GALNT2: variants seen among roughly 807,000 people sequenced by gnomAD.
GALNT2 encodes UDP-GalNAc:polypeptide N-acetylgalactosaminyltransferase 2.
Under a neutral mutation model 81.4 loss-of-function variants are expected in GALNT2, and 31 were observed. The ratio of observed to expected loss-of-function variants is 0.38; its 90% CI spans 0.29 to 0.51. The LOEUF is 0.51. GALNT2 is among the 20% of genes least tolerant of loss of function. The pLI, the probability that GALNT2 is intolerant of heterozygous loss-of-function variation, is 0.87. For synonymous variants in GALNT2, 303 were observed against 287.4 expected, an observed-to-expected ratio of 1.05 and a Z score of -0.55; for missense variants, 629 against 765.7, an observed-to-expected ratio of 0.82 and a Z score of 2.11.
intron 1 of GALNT2, among the ~76,000 whole-genome samples, chr1:230,074,820 A>G (rs1009022064): frequency 4.9e-4 from 74 of 152,226 alleles, no homozygotes; most frequent in Admixed American, 9.2e-4. Flanking sequence ...AAACTGAAGC[A>G]CAGAAAGGTT....
chr1:230,092,184 T>TGG (rs1553311876), intron 1 of GALNT2, among the ~76,000 whole-genome samples: 11 of 119,628 alleles, frequency 9.2e-5, no homozygotes, highest in African/African-American at 3.7e-4. Flanking sequence ...TAGTTTTTTT[T>TGG]TTTTTTTTTT....
chr1:230,076,146 T>C (rs2102748112), intron 1 of GALNT2, among the ~76,000 whole-genome samples: 1 of 152,346 alleles, frequency 6.6e-6, no homozygotes, highest in East Asian at 1.9e-4. Context: ...CTTCCCTTAC[T>C]ACAGACCTGC....
intron 1 of GALNT2, among the ~76,000 whole-genome samples, chr1:230,146,967 C>T (rs548840182): frequency 9.9e-5 from 15 of 152,182 alleles, no homozygotes; most frequent in Admixed American, 3.3e-4. Context: ...GTGTGGGAGT[C>T]GTGGCAGGGG....
intron 15 of GALNT2, 55 bp downstream of exon 15, chr1:230,274,619 A>G (rs1666237123): frequency 6.2e-7 from 1 of 1,607,972 alleles, no homozygotes; most frequent in Non-Finnish European, 8.5e-7. Flanking sequence ...CAGGGTAGCC[A>G]CGGCCTGCGC....
chr1:230,226,937 A>G (rs1664733085), intron 3 of GALNT2, among the ~76,000 whole-genome samples: 1 of 152,240 alleles, frequency 6.6e-6, no homozygotes. Context: ...GAAGAAATTA[A>G]TGAACTAAAA....
At chr1:230,120,089 C>T (rs552444198) in intron 1 of GALNT2, among the ~76,000 whole-genome samples, 2 of 151,652 alleles carry the variant, frequency 1.3e-5, no homozygotes, top group East Asian at 3.9e-4. Flanking sequence ...GTGCCCTCGG[C>T]ACCTGGCCGG....
At chr1:230,118,994 A>C (rs1347328289) in intron 1 of GALNT2, among the ~76,000 whole-genome samples, 1 of 152,206 alleles carries the variant, frequency 6.6e-6, no homozygotes, top group Non-Finnish European at 1.5e-5. Context: ...TAAATATTTT[A>C]GTGTGTGTCT....
At position 230,134,692 on chromosome 1, in the gene GALNT2, T is replaced by G. The variant is rs940893946; in HGVS notation, c.127-43526T>G. On this transcript the variant is annotated intron_variant, in intron 1 of 15. Coordinates refer to ENST00000366672, the MANE Select transcript of GALNT2 (RefSeq NM_004481.5). The stretch of plus-strand genomic sequence containing the variant: ...ATCAGCTCATGAGACATTTCACAGT[T>G]GTACTCTTCGCCTGCTTGGCTGTGT... Among the ~76,000 whole-genome samples, 7 of 152,214 alleles carry G rather than the reference T, an allele frequency of 4.6e-5. No individual in the cohort carries two copies. In the East Asian group the frequency reaches 1.3e-3, roughly 29 times the overall value.
chr1:230,199,050 C>T (rs1663800570), intron 2 of GALNT2, among the ~76,000 whole-genome samples: 1 of 152,086 alleles, frequency 6.6e-6, no homozygotes, highest in African/African-American at 2.4e-5. Context: ...TAGCCAAGTC[C>T]ACTTTCCCGA....
intron 1 of GALNT2, among the ~76,000 whole-genome samples, chr1:230,117,143 A>G (rs1660870918): frequency 1.3e-5 from 2 of 152,196 alleles, no homozygotes; most frequent in Admixed American, 1.3e-4. Flanking sequence ...TTCTTCCCTT[A>G]AACCTCATGA....
At chr1:230,213,172 C>T (rs1197037245) in intron 3 of GALNT2, among the ~76,000 whole-genome samples, 1 of 152,186 alleles carries the variant, frequency 6.6e-6, no homozygotes, top group Non-Finnish European at 1.5e-5. Flanking sequence ...TGCCATCATC[C>T]TGGGAATGCA....
intron 1 of GALNT2, among the ~76,000 whole-genome samples, chr1:230,139,170 G>T (rs913421375): frequency 1.3e-5 from 2 of 152,098 alleles, no homozygotes; most frequent in African/African-American, 4.8e-5. Context: ...CACTTTACCC[G>T]GCTTTGGTCC....
intron 3 of GALNT2, among the ~76,000 whole-genome samples, chr1:230,225,294 TTTC>T (rs1259407808): frequency 6.6e-6 from 1 of 152,260 alleles, no homozygotes; most frequent in African/African-American, 2.4e-5. Context: ...CTGCCTAGAC[TTTC>T]TGTAGACACC....
chr1:230,114,294 C>G (rs1244407572), intron 1 of GALNT2, among the ~76,000 whole-genome samples: 1 of 152,146 alleles, frequency 6.6e-6, no homozygotes, highest in Admixed American at 6.5e-5. Context: ...CCAGTAGCTT[C>G]CGGCCATTCC....
chr1:230,152,651 G>A (rs1433801737), intron 1 of GALNT2, among the ~76,000 whole-genome samples: 1 of 152,200 alleles, frequency 6.6e-6, no homozygotes, highest in African/African-American at 2.4e-5. Flanking sequence ...CTAGGATAGT[G>A]CATAGCCAGG....
At chr1:230,171,371 T>A (rs1662785926) in intron 1 of GALNT2, among the ~76,000 whole-genome samples, 1 of 152,266 alleles carries the variant, frequency 6.6e-6, no homozygotes. Context: ...TAAAAATTTC[T>A]GGCAACCTGT....
intron 1 of GALNT2, among the ~76,000 whole-genome samples, chr1:230,060,827 T>G (rs769385021): frequency 1.3e-4 from 20 of 152,228 alleles, no homozygotes; most frequent in Non-Finnish European, 2.4e-4. Context: ...AGTGTTTATT[T>G]TGATGCATAT....
At chr1:230,272,762 G>T (rs1197609216) in intron 14 of GALNT2, among the ~76,000 whole-genome samples, 1 of 152,064 alleles carries the variant, frequency 6.6e-6, no homozygotes, top group Admixed American at 6.6e-5. Flanking sequence ...GTTTGGTTTG[G>T]TTCGGTTCGG....
In GALNT2 at chr1:230,137,031, G is replaced by A. The variant is rs144867327; in HGVS notation, c.127-41187G>A. Among the ~76,000 whole-genome samples, 58 of 152,322 alleles carry A rather than the reference G, an allele frequency of 3.8e-4. No individual in the cohort carries two copies. The South Asian group carries it at 6.6e-3, about 17-fold the overall frequency. On this transcript the variant is annotated intron_variant, in intron 1 of 15. Coordinates refer to ENST00000366672, the MANE Select transcript of GALNT2 (RefSeq NM_004481.5). ...TGGGCTATTCCGAAGCTAAGAGACC[G>A]TTTCCTTGAACCAAAAGGCTGATTC...
Sources: gnomAD v4.1 joint callset for allele counts (sites outside exome capture counted in the v4.1 genomes callset) on GRCh38, gnomAD v4.1.1 for gene constraint, MANE v1.5 for transcripts, NCBI Gene and HGNC (gene_info 2026-07-23, HGNC 2026-07-21) for gene names.